POU6F2: variants seen among roughly 807,000 people sequenced by gnomAD.
The protein encoded by POU6F2 is POU class 6 homeobox 2, also known as POU domain, class 6, transcription factor 2.
In POU6F2, 31 loss-of-function variants were observed where a neutral mutation model predicts 71.3. That is an observed-to-expected ratio of 0.43 (90% CI 0.33 to 0.59). The LOEUF is 0.59. POU6F2 is among the 20% of genes least tolerant of loss of function. The pLI, the probability that POU6F2 is intolerant of heterozygous loss-of-function variation, is 0.04. For synonymous variants in POU6F2, 347 were observed against 355.7 expected (o/e 0.98, Z 0.27); for missense variants, 783 against 856.8 (o/e 0.91, Z 1.07).
rs190612056 is a variant in POU6F2, at chr7:39,404,135, C to G, written c.973-2465C>G. The stretch of plus-strand genomic sequence containing the variant: ...AGAGGAAATAAACATTAAAAATAAG[C>G]CAAACCTATATATTTGTGGTTGCCA... On this transcript the variant is annotated intron_variant, in intron 5 of 9. Coordinates refer to ENST00000518318, the MANE Select transcript of POU6F2 (RefSeq NM_001370959.1). Among the ~76,000 whole-genome samples the G allele has an allele frequency of 1.4e-3, 215 of 152,248 alleles. 1 individual carries two copies. The highest frequency in any genetic ancestry group is 3.7e-4 in the Non-Finnish European group (25 of 68,016).
chr7:39,416,090 GCATACACA>G (rs1317986616), intron 6 of POU6F2, among the ~76,000 whole-genome samples: 4 of 69,968 alleles, frequency 5.7e-5, no homozygotes, highest in Admixed American at 1.6e-4. Flanking sequence ...TCTCTCGAAG[GCATACACA>G]CACACACACA....
chr7:39,001,570 G>A (rs1287160875), intron 1 of POU6F2, among the ~76,000 whole-genome samples: 1 of 152,242 alleles, frequency 6.6e-6, no homozygotes, highest in East Asian at 1.9e-4. Context: ...ATGAGGATAT[G>A]TGGGAAGACC....
At chr7:39,340,037 T>A in intron 5 of POU6F2, 22 bp downstream of exon 5, 1 of 1,581,286 alleles carries the variant, frequency 6.3e-7, no homozygotes, top group African/African-American at 1.3e-5. Context: ...GTGCTTCCCG[T>A]CTGCCCCTAG....
rs1384298271 is a variant in POU6F2, at chr7:39,466,715, A to T, written c.*2029A>T. ...TTCATGCAGCAATCAAGAGACTACC[A>T]GCAAGGAAACTCTAAAAGGAATCCT... On this transcript the variant is annotated 3_prime_UTR_variant, in exon 10 of 10. Coordinates refer to ENST00000518318, the MANE Select transcript of POU6F2 (RefSeq NM_001370959.1). 1 of 152,250 alleles carries T rather than the reference A, an allele frequency of 6.6e-6. No homozygotes were observed. The highest frequency in any genetic ancestry group is 6.5e-5 in the Admixed American group (1 of 15,286). The allele number at this position is 152,250 out of a possible 1,614,324, so 9.4% of individuals were successfully genotyped here. A position where few individuals can be genotyped will look rare whatever the true frequency, so the allele number is the denominator to read the frequency against.
intron 4 of POU6F2, among the ~76,000 whole-genome samples, chr7:39,338,824 G>A (rs1340051326): frequency 4.6e-5 from 7 of 152,048 alleles, no homozygotes; most frequent in Non-Finnish European, 5.9e-5. Flanking sequence ...CAAATTTTGC[G>A]TGCTCAGTGC....
At chr7:39,012,254 C>T (rs1388741222) in intron 1 of POU6F2, among the ~76,000 whole-genome samples, 1 of 152,036 alleles carries the variant, frequency 6.6e-6, no homozygotes, top group African/African-American at 2.4e-5. Flanking sequence ...GACTTCTCTT[C>T]TCGCTTCATT....
At chr7:39,012,338 C>T (rs1789317628) in intron 1 of POU6F2, among the ~76,000 whole-genome samples, 1 of 152,010 alleles carries the variant, frequency 6.6e-6, no homozygotes, top group Admixed American at 6.6e-5. Context: ...CTTCTGCATT[C>T]TTCACGTAGT....
intron 4 of POU6F2, among the ~76,000 whole-genome samples, chr7:39,289,657 G>A (rs1357609216): frequency 6.6e-6 from 1 of 152,164 alleles, no homozygotes; most frequent in Non-Finnish European, 1.5e-5. Flanking sequence ...TGTTTTAAAA[G>A]AAAATGTATA....
chr7:39,333,093 C>T (rs147833123), intron 4 of POU6F2, among the ~76,000 whole-genome samples: 1 of 152,186 alleles, frequency 6.6e-6, no homozygotes. Flanking sequence ...GACTTGCCAC[C>T]TCTGAGTGCT....
At chr7:39,087,534 G>A (rs1473612576) in intron 2 of POU6F2, among the ~76,000 whole-genome samples, 3 of 152,082 alleles carry the variant, frequency 2.0e-5, no homozygotes, top group Non-Finnish European at 4.4e-5. Context: ...CATATAGGAA[G>A]AATTATGTAC....
chr7:39,432,369 T>C (rs1334656843), intron 6 of POU6F2, among the ~76,000 whole-genome samples: 1 of 152,210 alleles, frequency 6.6e-6, no homozygotes, highest in East Asian at 1.9e-4. Context: ...CAGTAGTCAT[T>C]TCACCTCTAT....
At chr7:39,058,564 C>T (rs1038558407) in intron 1 of POU6F2, among the ~76,000 whole-genome samples, 1 of 152,146 alleles carries the variant, frequency 6.6e-6, no homozygotes, top group Non-Finnish European at 1.5e-5. Flanking sequence ...ATTCTTGTTT[C>T]CAGTGTCTAG....
intron 4 of POU6F2, among the ~76,000 whole-genome samples, chr7:39,251,918 G>C (rs1295329515): frequency 1.3e-5 from 2 of 152,122 alleles, no homozygotes; most frequent in African/African-American, 2.4e-5. Context: ...ATAACCAGGG[G>C]AGAAAAGTAA....
At chr7:39,223,749 A>G (rs1319619563) in intron 4 of POU6F2, among the ~76,000 whole-genome samples, 1 of 152,200 alleles carries the variant, frequency 6.6e-6, no homozygotes, top group Non-Finnish European at 1.5e-5. Flanking sequence ...CGTGTCTGCC[A>G]TATTCATGCT....
intron 2 of POU6F2, among the ~76,000 whole-genome samples, chr7:39,175,500 C>T (rs1793308728): frequency 6.6e-6 from 1 of 152,150 alleles, no homozygotes; most frequent in African/African-American, 2.4e-5. Context: ...CCCTTAGGCA[C>T]AGCAAGCACA....
intron 1 of POU6F2, among the ~76,000 whole-genome samples, chr7:39,015,450 ATAT>A (rs1203065227): frequency 0.01 from 1,307 of 124,572 alleles, 26 homozygotes; most frequent in Non-Finnish European, 0.017. Flanking sequence ...AATCTAATAT[ATAT>A]TATTATATAT....
At chr7:39,326,264 A>C (rs914097700) in intron 4 of POU6F2, among the ~76,000 whole-genome samples, 5 of 152,210 alleles carry the variant, frequency 3.3e-5, no homozygotes, top group African/African-American at 7.2e-5. Context: ...AAACAACAAC[A>C]ACCACTTGGT....
intron 2 of POU6F2, among the ~76,000 whole-genome samples, chr7:39,197,732 A>G (rs1188185496): frequency 6.6e-6 from 1 of 152,212 alleles, no homozygotes; most frequent in Non-Finnish European, 1.5e-5. Context: ...CAGACAAACT[A>G]TTTTTGAATG....
intron 1 of POU6F2, among the ~76,000 whole-genome samples, chr7:39,059,008 T>A (rs1790595140): frequency 6.6e-6 from 1 of 152,084 alleles, no homozygotes; most frequent in South Asian, 2.1e-4. Flanking sequence ...CTTGGGAAAA[T>A]AAAAATGTAA....
Sources: gnomAD v4.1 joint callset for allele counts (sites outside exome capture counted in the v4.1 genomes callset) on GRCh38, gnomAD v4.1.1 for gene constraint, MANE v1.5 for transcripts, NCBI Gene and HGNC (gene_info 2026-07-23, HGNC 2026-07-21) for gene names.